The following MAST4 variants were observed in gnomAD, a reference collection of about 807,000 sequenced individuals.
MAST4 encodes microtubule-associated serine/threonine-protein kinase 4.
Under a neutral mutation model 162.7 loss-of-function variants are expected in MAST4, and 89 were observed. That is an observed-to-expected ratio of 0.55 (90% CI 0.46 to 0.65). The LOEUF is 0.65. Among genes scored for constraint, MAST4 ranks in the 30% least tolerant of loss-of-function variants. The pLI, the probability that MAST4 is intolerant of heterozygous loss-of-function variation, is 0.00. For missense variants in MAST4, 3,153 were observed against 3,374.0 expected (o/e 0.93, Z 1.62); for synonymous variants, 1,479 against 1,361.1 (o/e 1.09, Z -1.91).
At chr5:66,900,904 C>T (rs1487457147) in intron 4 of MAST4, among the ~76,000 whole-genome samples, 1 of 152,060 alleles carries the variant, frequency 6.6e-6, no homozygotes, top group Admixed American at 6.5e-5. Flanking sequence ...TGCTTCCTGT[C>T]TTTTGTACAA....
intron 1 of MAST4, among the ~76,000 whole-genome samples, chr5:66,597,898 T>A (rs1475720142): frequency 1.4e-5 from 2 of 146,868 alleles, no homozygotes; most frequent in African/African-American, 2.5e-5. Context: ...AGACTCAGTT[T>A]AAAAAAAAAA....
In MAST4 at chr5:66,802,278, A is replaced by T. The variant is rs117042262; in HGVS notation, c.642+13484A>T. Among the ~76,000 whole-genome samples the T allele has an allele frequency of 4.3e-4, 65 of 152,218 alleles. No homozygotes were observed. In the East Asian group the frequency reaches 0.012, roughly 28 times the overall value. On this transcript the variant is annotated intron_variant, in intron 3 of 28. Coordinates refer to ENST00000403625, the MANE Select transcript of MAST4 (RefSeq NM_001164664.2). ...TTAAAGCATGATTCTCTCTGTATTC[A>T]TGGAAGCTGGGCATAAACAAACTGC...
rs1438706955 is a variant in MAST4 at position 66,985,024 on chromosome 5, G to A, written c.675-69380G>A. Among the ~76,000 whole-genome samples the A allele has an allele frequency of 2.0e-5, 3 of 152,194 alleles. No homozygotes were observed. In the South Asian group the frequency reaches 6.2e-4, roughly 32 times the overall value. Reference sequence around the variant, plus strand: ...TTTGGGACTTTTAGGAAAGTAGGTGGTGTACAGGGCCAGGGGACTGGATGA... The same window carrying A: ...TTTGGGACTTTTAGGAAAGTAGGTGATGTACAGGGCCAGGGGACTGGATGA... On this transcript the variant is annotated intron_variant, in intron 4 of 28. Transcript: ENST00000403625.
At chr5:66,685,078 A>G (rs1748559796) in intron 1 of MAST4, among the ~76,000 whole-genome samples, 1 of 152,124 alleles carries the variant, frequency 6.6e-6, no homozygotes. Flanking sequence ...CCTGGGCAAC[A>G]TGGCGAAACT....
At chr5:66,971,980 AAGG>A (rs1434871867) in intron 4 of MAST4, among the ~76,000 whole-genome samples, 1 of 151,534 alleles carries the variant, frequency 6.6e-6, no homozygotes, top group East Asian at 1.9e-4. Context: ...GCCTCAGTAA[AAGG>A]AGTAATACAA....
rs564134543 is a variant in MAST4, at chr5:66,789,014, A to C, written c.642+220A>C. 4.2e-3 allele frequency among the ~76,000 whole-genome samples: 633 copies of C among 152,340 alleles called. 3 individuals carry two copies. Among genetic ancestry groups the C allele is most frequent in the Non-Finnish European group, 6.0e-3 (407 of 68,024 alleles). The stretch of plus-strand genomic sequence containing the variant: ...TTGGCCTCATCTCTACCCTTCTCCC[A>C]AAAGAAATGAAAGTATTTCTAGGCC... On this transcript the variant is annotated intron_variant, in intron 3 of 28. Coordinates refer to ENST00000403625, the MANE Select transcript of MAST4 (RefSeq NM_001164664.2).
intron 4 of MAST4, among the ~76,000 whole-genome samples, chr5:66,984,879 G>T (rs922802995): frequency 3.9e-5 from 6 of 152,260 alleles, no homozygotes; most frequent in South Asian, 2.1e-4. Flanking sequence ...GAGAGGGCGG[G>T]GAGCAGGATC....
chr5:66,717,241 G>T (rs1204754332), intron 1 of MAST4, among the ~76,000 whole-genome samples: 1 of 152,084 alleles, frequency 6.6e-6, no homozygotes, highest in East Asian at 1.9e-4. Context: ...ATTCATTCCT[G>T]GCAAAAATGC....
chr5:67,099,062 T>G (rs1764741613), intron 7 of MAST4, among the ~76,000 whole-genome samples: 1 of 152,184 alleles, frequency 6.6e-6, no homozygotes, highest in South Asian at 2.1e-4. Flanking sequence ...TTGTGGACAT[T>G]GATTTACCTT....
chr5:66,904,911 C>T (rs1174034688), intron 4 of MAST4, among the ~76,000 whole-genome samples: 1 of 152,046 alleles, frequency 6.6e-6, no homozygotes, highest in South Asian at 2.1e-4. Context: ...AGTTTTCCAG[C>T]CCTTTCCCCC....
intron 1 of MAST4, among the ~76,000 whole-genome samples, chr5:66,645,229 C>T (rs73764795): frequency 0.025 from 3,834 of 152,240 alleles, 168 homozygotes; most frequent in African/African-American, 0.089. Context: ...AAGAGCTGTA[C>T]TTCAAGTCAT....
At chr5:67,057,589 A>T (rs961563835) in intron 5 of MAST4, among the ~76,000 whole-genome samples, 11 of 108,392 alleles carry the variant, frequency 1.0e-4, no homozygotes, top group Non-Finnish European at 2.0e-4. Context: ...GCACAGTCTC[A>T]TTAAAAAAAA....
At chr5:66,851,246 A>G (rs1759291770) in intron 3 of MAST4, among the ~76,000 whole-genome samples, 1 of 152,026 alleles carries the variant, frequency 6.6e-6, no homozygotes, top group African/African-American at 2.4e-5. Flanking sequence ...TGAAGTCTAC[A>G]CTCTCTATTT....
intron 3 of MAST4, among the ~76,000 whole-genome samples, chr5:66,793,744 AGGT>A (rs1755526041): frequency 6.6e-6 from 1 of 152,130 alleles, no homozygotes; most frequent in Non-Finnish European, 1.5e-5. Context: ...TTTTGTGTGA[AGGT>A]TTCATTCACA....
intron 4 of MAST4, among the ~76,000 whole-genome samples, chr5:66,932,616 C>G (rs1425254313): frequency 6.6e-6 from 1 of 152,180 alleles, no homozygotes; most frequent in Non-Finnish European, 1.5e-5. Flanking sequence ...GATCTGAAAG[C>G]TGCATTATAA....
At chr5:67,030,711 C>T (rs1755205319) in intron 4 of MAST4, among the ~76,000 whole-genome samples, 1 of 152,148 alleles carries the variant, frequency 6.6e-6, no homozygotes, top group African/African-American at 2.4e-5. Flanking sequence ...ATATTTGGAA[C>T]ACCTAACCTC....
chr5:66,643,030 T>C (rs1347901285), intron 1 of MAST4, among the ~76,000 whole-genome samples: 2 of 152,214 alleles, frequency 1.3e-5, no homozygotes, highest in Non-Finnish European at 2.9e-5. Context: ...ATGGACCGTT[T>C]AATTTCTCTT....
intron 2 of MAST4, among the ~76,000 whole-genome samples, chr5:66,782,204 G>A (rs1010976570): frequency 2.0e-5 from 3 of 151,568 alleles, no homozygotes; most frequent in South Asian, 2.1e-4. Context: ...CAGGAAAATC[G>A]CTTGAACCGA....
At chr5:66,678,215 C>T (rs11750887) in intron 1 of MAST4, among the ~76,000 whole-genome samples, 115,626 of 151,574 alleles carry the variant, frequency 0.76, 45,302 homozygotes, top group African/African-American at 0.93. Flanking sequence ...GTTGAACTCA[C>T]AGAAGCAGAG....
Sources: allele counts gnomAD v4.1 joint callset (sites outside exome capture counted in the v4.1 genomes callset), GRCh38; gene constraint gnomAD v4.1.1; transcripts MANE v1.5; gene names NCBI Gene and HGNC (gene_info 2026-07-23, HGNC 2026-07-21).